DLGAP1: variants seen among roughly 807,000 people sequenced by gnomAD.
The protein encoded by DLGAP1 is disks large-associated protein 1.
DLGAP1 carries 11 observed loss-of-function variants against 90.8 expected under a neutral mutation model. The ratio of observed to expected loss-of-function variants is 0.12; its 90% CI spans 0.08 to 0.20. DLGAP1 has a LOEUF of 0.20. DLGAP1 is among the 10% of genes least tolerant of loss of function. DLGAP1 has a pLI of 1.00. For synonymous variants in DLGAP1, 558 were observed against 540.7 expected (o/e 1.03, Z -0.44); for missense variants, 1,050 against 1,333.8 (o/e 0.79, Z 3.31).
At chr18:3,555,771 T>C (rs1385009219) in intron 9 of DLGAP1, among the ~76,000 whole-genome samples, 5 of 151,998 alleles carry the variant, frequency 3.3e-5, no homozygotes, top group Admixed American at 1.3e-4. Context: ...GATCACACCA[T>C]TGGACTCTAG....
chr18:3,712,953 G>A (rs2061643798), intron 7 of DLGAP1, among the ~76,000 whole-genome samples: 1 of 152,234 alleles, frequency 6.6e-6, no homozygotes, highest in Non-Finnish European at 1.5e-5. Context: ...TTATCCTTCA[G>A]ATGTGTTCAG....
chr18:4,219,837 C>T (rs2078038728), intron 1 of DLGAP1, among the ~76,000 whole-genome samples: 1 of 151,936 alleles, frequency 6.6e-6, no homozygotes, highest in Admixed American at 6.6e-5. Context: ...TTATTGTTCA[C>T]TGTGTCTGTT....
chr18:3,778,623 G>A (rs958480893), intron 5 of DLGAP1, among the ~76,000 whole-genome samples: 2 of 152,148 alleles, frequency 1.3e-5, no homozygotes, highest in African/African-American at 2.4e-5. Flanking sequence ...CCTGTGCACA[G>A]CAGCGGCAAG....
chr18:3,518,088 C>G (rs1019374753), intron 10 of DLGAP1, among the ~76,000 whole-genome samples: 11 of 152,216 alleles, frequency 7.2e-5, no homozygotes, highest in African/African-American at 2.7e-4. Flanking sequence ...GCCTTCCTAA[C>G]TAAGCTTAAT....
rs1021742953 is a variant in DLGAP1, at chr18:4,299,895, C to G, written c.-266-148608G>C. On this transcript the variant is annotated intron_variant, in intron 1 of 12. Coordinates refer to ENST00000315677, the MANE Select transcript of DLGAP1 (RefSeq NM_004746.4). ...CGGCACTCTAAGGAATCCCTAGAAT[C>G]AAATCAATTGGAAAATCATTAAAAC... Among the ~76,000 whole-genome samples the G allele has an allele frequency of 2.6e-5, 4 of 152,172 alleles. No homozygotes were observed. In the East Asian group the frequency reaches 7.7e-4, roughly 29 times the overall value.
intron 1 of DLGAP1, among the ~76,000 whole-genome samples, chr18:4,224,108 T>C (rs967424935): frequency 6.6e-6 from 1 of 152,168 alleles, no homozygotes; most frequent in African/African-American, 2.4e-5. Flanking sequence ...CCTGTTGCCT[T>C]GAGTGGAAGA....
chr18:4,157,347 T>A (rs8097705), intron 1 of DLGAP1, among the ~76,000 whole-genome samples: 1 of 152,030 alleles, frequency 6.6e-6, no homozygotes, highest in East Asian at 1.9e-4. Flanking sequence ...TTCACTCCAG[T>A]GGATCGTAGA....
At position 3,951,937 on chromosome 18, in the gene DLGAP1, T is replaced by C. The variant is rs147513098; in HGVS notation, c.-73+53179A>G. Among the ~76,000 whole-genome samples, 240 of 152,334 alleles carry C rather than the reference T, an allele frequency of 1.6e-3. 2 individuals carry two copies. Among genetic ancestry groups the C allele is most frequent in the African/African-American group, 5.3e-3 (219 of 41,566 alleles). ...AAATTACCCAGTCTCGGGTAGTATCTTTATAGCAGTGTGAAAATGGACTAA... is the reference window on the plus strand; with the variant it reads ...AAATTACCCAGTCTCGGGTAGTATCCTTATAGCAGTGTGAAAATGGACTAA... On this transcript the variant is annotated intron_variant, in intron 3 of 12. Coordinates refer to ENST00000315677, the MANE Select transcript of DLGAP1 (RefSeq NM_004746.4).
At chr18:4,043,881 C>T (rs1429895010) in intron 2 of DLGAP1, among the ~76,000 whole-genome samples, 1 of 152,156 alleles carries the variant, frequency 6.6e-6, no homozygotes, top group Admixed American at 6.6e-5. Context: ...ATCATTTTCT[C>T]AAGTGTTAGT....
intron 3 of DLGAP1, among the ~76,000 whole-genome samples, chr18:3,897,472 A>T (rs1411067675): frequency 6.6e-6 from 1 of 152,246 alleles, no homozygotes; most frequent in African/African-American, 2.4e-5. Context: ...ACAGGGGTCC[A>T]GTAATGAACA....
chr18:3,874,517 G>A, intron 4 of DLGAP1: 1 of 1,446,472 alleles, frequency 6.9e-7, no homozygotes, highest in Non-Finnish European at 9.0e-7. Context: ...CAAGAATTCT[G>A]CTTTTTAAAA....
At chr18:3,638,014 T>C (rs1473607091) in intron 7 of DLGAP1, among the ~76,000 whole-genome samples, 13 of 149,596 alleles carry the variant, frequency 8.7e-5, no homozygotes. Context: ...TGGCATGATC[T>C]TGGCTCACTG....
intron 3 of DLGAP1, among the ~76,000 whole-genome samples, chr18:3,958,645 T>C (rs1334525843): frequency 6.8e-6 from 1 of 147,956 alleles, no homozygotes; most frequent in Non-Finnish European, 1.5e-5. Context: ...AAAAAGGCTT[T>C]GTGGCAGGTT....
At chr18:3,997,030 CT>C (rs5822780) in intron 3 of DLGAP1, among the ~76,000 whole-genome samples, 29,777 of 85,954 alleles carry the variant, frequency 0.35, 10,000 homozygotes, top group Non-Finnish European at 0.43. Context: ...GCAGAGTTTT[CT>C]TTTTTTTTTT....
chr18:4,188,601 T>C (rs2077340482), intron 1 of DLGAP1, among the ~76,000 whole-genome samples: 2 of 152,098 alleles, frequency 1.3e-5, no homozygotes, highest in African/African-American at 2.4e-5. Flanking sequence ...TTGCTGAGGG[T>C]GATGGTTTCC....
intron 5 of DLGAP1, among the ~76,000 whole-genome samples, chr18:3,746,533 A>T (rs2063277681): frequency 6.6e-6 from 1 of 152,172 alleles, no homozygotes; most frequent in Non-Finnish European, 1.5e-5. Context: ...AAAAATAGTC[A>T]TTGTGTATAA....
chr18:3,499,457 G>A lies in DLGAP1; in HGVS notation c.2725-63C>T. On this transcript the variant is annotated intron_variant, in intron 12 of 12. Transcript: ENST00000315677. This position sits in a 1 kb window ranked among gnomAD's most constrained non-coding sequence, Gnocchi z 6.4. ...CTCAGGACAAGCTTGGGAAAAACTGGGATAGGTCAGTAGTTAGAACACACA... is the reference window on the plus strand; with the variant it reads ...CTCAGGACAAGCTTGGGAAAAACTGAGATAGGTCAGTAGTTAGAACACACA... 6.6e-7 allele frequency: 1 copy of A among 1,517,114 alleles called. No homozygotes were observed. Among genetic ancestry groups the A allele is most frequent in the Non-Finnish European group, 8.9e-7 (1 of 1,120,996 alleles). 94.0% of individuals were successfully genotyped at this position (1,517,114 alleles called of 1,614,324 possible).
intron 1 of DLGAP1, among the ~76,000 whole-genome samples, chr18:4,210,681 A>C (rs2144884473): frequency 6.6e-6 from 1 of 152,330 alleles, no homozygotes; most frequent in Middle Eastern, 3.4e-3. Context: ...GTGAACATAA[A>C]GTTTATCTGC....
At chr18:3,974,680 T>C (rs4797133) in intron 3 of DLGAP1, among the ~76,000 whole-genome samples, 59,956 of 151,916 alleles carry the variant, frequency 0.39, 12,035 homozygotes, top group Non-Finnish European at 0.42. Context: ...GAGTATGACA[T>C]TGAAAACATT....
Sources: gnomAD v4.1 joint callset for allele counts (sites outside exome capture counted in the v4.1 genomes callset) on GRCh38, gnomAD v4.1.1 for gene constraint, Gnocchi (gnomAD v3.1) non-coding constraint, MANE v1.5 for transcripts, NCBI Gene and HGNC (gene_info 2026-07-23, HGNC 2026-07-21) for gene names.